ANKS1B: variants seen among roughly 807,000 people sequenced by gnomAD.
ANKS1B encodes the protein ankyrin repeat and sterile alpha motif domain containing 1B, also known as ankyrin repeat and sterile alpha motif domain-containing protein 1B.
ANKS1B carries 36 observed loss-of-function variants against 148.3 expected under a neutral mutation model. The ratio of observed to expected loss-of-function variants is 0.24; its 90% confidence interval spans 0.19 to 0.32. ANKS1B has a LOEUF of 0.32. ANKS1B is among the 10% of genes least tolerant of loss of function. The pLI is 1.00. For synonymous variants in ANKS1B, 542 were observed against 560.8 expected (o/e 0.97, Z 0.47); for missense variants, 1,157 against 1,542.6 (o/e 0.75, Z 4.19).
chr12:98,892,082 G>T (rs2099753921), intron 17 of ANKS1B, among the ~76,000 whole-genome samples: 1 of 152,138 alleles, frequency 6.6e-6, no homozygotes, highest in Non-Finnish European at 1.5e-5. Flanking sequence ...ATTCCTCTCA[G>T]GACATTTATT....
intron 8 of ANKS1B, among the ~76,000 whole-genome samples, chr12:99,668,368 G>T (rs1466129567): frequency 6.6e-6 from 1 of 151,094 alleles, no homozygotes; most frequent in Admixed American, 6.6e-5. Context: ...CTATTTTACT[G>T]ATATTGATTT....
chr12:99,715,843 C>A (rs572234239), intron 8 of ANKS1B, among the ~76,000 whole-genome samples: 2 of 152,304 alleles, frequency 1.3e-5, no homozygotes, highest in Middle Eastern at 3.4e-3. Context: ...TCTCTCCCTT[C>A]TCTTAATTTC....
chr12:98,813,373 AT>A (rs34237643), intron 19 of ANKS1B, among the ~76,000 whole-genome samples: 106,318 of 135,620 alleles, frequency 0.78, 41,810 homozygotes, highest in East Asian at 0.99. Flanking sequence ...CACTTCACCT[AT>A]TTTTTTTTTT....
At chr12:99,122,429 T>C (rs1379092218) in intron 15 of ANKS1B, among the ~76,000 whole-genome samples, 1 of 152,218 alleles carries the variant, frequency 6.6e-6, no homozygotes, top group Non-Finnish European at 1.5e-5. Flanking sequence ...ACATGAATCT[T>C]CAAATATTTC....
chr12:99,684,113 A>T (rs909981089), intron 8 of ANKS1B, among the ~76,000 whole-genome samples: 5 of 152,110 alleles, frequency 3.3e-5, no homozygotes, highest in Non-Finnish European at 7.4e-5. Context: ...TAGCCAGAGC[A>T]ATCAGACAAG....
At chr12:99,325,271 G>A (rs1024943108) in intron 12 of ANKS1B, among the ~76,000 whole-genome samples, 5 of 152,126 alleles carry the variant, frequency 3.3e-5, no homozygotes, top group African/African-American at 1.2e-4. Flanking sequence ...ACAGCAACAT[G>A]AATCCTGCTA....
In ANKS1B at chr12:99,113,373, T is replaced by C. The variant is rs868247806; in HGVS notation, c.2527-28350A>G. On this transcript the variant is annotated intron_variant, in intron 15 of 26. Coordinates refer to ENST00000683438, the MANE Select transcript of ANKS1B (RefSeq NM_001352186.2). Reference sequence around the variant, plus strand: ...TTACACCATCTAGGGGTTTCTTCATTAGTATCTGGCACGAAACACAGTGTT... The same window carrying C: ...TTACACCATCTAGGGGTTTCTTCATCAGTATCTGGCACGAAACACAGTGTT... Among the ~76,000 whole-genome samples the C allele has an allele frequency of 7.2e-5, 11 of 152,308 alleles. No homozygotes were observed. The South Asian group carries it at 1.0e-3, about 14-fold the overall frequency.
At chr12:99,174,512 A>G (rs2078147656) in intron 14 of ANKS1B, among the ~76,000 whole-genome samples, 1 of 152,196 alleles carries the variant, frequency 6.6e-6, no homozygotes. Flanking sequence ...AGAGTTGACC[A>G]CATGATCCAA....
chr12:99,942,046 C>A (rs931156173), intron 1 of ANKS1B, among the ~76,000 whole-genome samples: 1 of 152,058 alleles, frequency 6.6e-6, no homozygotes, highest in African/African-American at 2.4e-5. Context: ...AGGCATCTAG[C>A]ATAAATATGA....
intron 17 of ANKS1B, among the ~76,000 whole-genome samples, chr12:98,918,677 TTTCCCACGCCC>T (rs1345032990): frequency 2.0e-5 from 3 of 152,224 alleles, no homozygotes; most frequent in Non-Finnish European, 4.4e-5. Flanking sequence ...ATAGCACTAA[TTTCCCACGCCC>T]TTCAGTATTA....
chr12:99,935,375 A>T (rs2094738435), intron 1 of ANKS1B, among the ~76,000 whole-genome samples: 1 of 148,798 alleles, frequency 6.7e-6, no homozygotes, highest in African/African-American at 2.5e-5. Context: ...AAAAAAAACT[A>T]TACAGTTAGC....
intron 2 of ANKS1B, among the ~76,000 whole-genome samples, chr12:99,819,548 A>C (rs1381470550): frequency 6.6e-6 from 1 of 151,884 alleles, no homozygotes; most frequent in Non-Finnish European, 1.5e-5. Flanking sequence ...TAAAAGGTAG[A>C]AGAATAGAAA....
chr12:99,256,492 G>A (rs779282777), intron 12 of ANKS1B, among the ~76,000 whole-genome samples: 1 of 151,876 alleles, frequency 6.6e-6, no homozygotes, highest in Non-Finnish European at 1.5e-5. Flanking sequence ...CTCACAATTC[G>A]TTCCTCAGAA....
intron 17 of ANKS1B, among the ~76,000 whole-genome samples, chr12:98,925,958 A>T (rs900797319): frequency 7.9e-5 from 12 of 152,188 alleles, no homozygotes; most frequent in African/African-American, 2.9e-4. Flanking sequence ...AGAATGACCA[A>T]AAATTTCACA....
chr12:98,769,656 A>AT lies in ANKS1B; in HGVS notation c.3579+3385_3579+3386insA, dbSNP rs1307061111. Among the ~76,000 whole-genome samples the AT allele has an allele frequency of 5.3e-5, 8 of 152,312 alleles. No individual in the cohort carries two copies. The South Asian group carries it at 1.7e-3, about 32-fold the overall frequency. On this transcript the variant is annotated intron_variant, in intron 25 of 26. Coordinates refer to ENST00000683438, the MANE Select transcript of ANKS1B (RefSeq NM_001352186.2). ...TATTCTGGTGATATATATATATCACACACACGTATAGCTAATAAACTCAAG... is the reference window on the plus strand; with the variant it reads ...TATTCTGGTGATATATATATATCACATCACACGTATAGCTAATAAACTCAAG...
At chr12:99,325,017 A>G (rs1014617353) in intron 12 of ANKS1B, among the ~76,000 whole-genome samples, 5 of 152,166 alleles carry the variant, frequency 3.3e-5, no homozygotes, top group Non-Finnish European at 4.4e-5. Context: ...GAAATCAGAT[A>G]TGCCGTATAT....
intron 17 of ANKS1B, among the ~76,000 whole-genome samples, chr12:99,024,787 G>T (rs2099947820): frequency 6.6e-6 from 1 of 152,158 alleles, no homozygotes; most frequent in Non-Finnish European, 1.5e-5. Context: ...TAACCAAGTT[G>T]TGTATCTTCT....
chr12:99,906,977 G>A (rs1451325932), intron 1 of ANKS1B, among the ~76,000 whole-genome samples: 1 of 152,216 alleles, frequency 6.6e-6, no homozygotes, highest in Non-Finnish European at 1.5e-5. Context: ...GGAGCACAGA[G>A]TAGAGAACTA....
At chr12:99,107,665 G>A (rs1286551442) in intron 15 of ANKS1B, among the ~76,000 whole-genome samples, 1 of 152,132 alleles carries the variant, frequency 6.6e-6, no homozygotes, top group Non-Finnish European at 1.5e-5. Flanking sequence ...TCCAGAAATC[G>A]CCCGGCCTGG....
Sources: gnomAD v4.1 joint callset for allele counts (sites outside exome capture counted in the v4.1 genomes callset) on GRCh38, gnomAD v4.1.1 for gene constraint, MANE v1.5 for transcripts, NCBI Gene and HGNC (gene_info 2026-07-23, HGNC 2026-07-21) for gene names.